The following CUX1 variants were observed in gnomAD, a reference collection of about 807,000 sequenced individuals.
CUX1 encodes the protein cut like homeobox 1.
Under a neutral mutation model 158.8 loss-of-function variants are expected in CUX1, and 31 were observed. The ratio of observed to expected loss-of-function variants is 0.20; its 90% CI spans 0.15 to 0.26. The LOEUF (loss-of-function observed/expected upper bound fraction) is 0.26. Ranked by LOEUF, CUX1 falls within the 10% of genes least tolerant of loss-of-function variation. The pLI, the probability that CUX1 is intolerant of heterozygous loss-of-function variation, is 1.00. For synonymous variants in CUX1, 879 were observed against 862.1 expected, an observed-to-expected ratio of 1.02 and a Z score of -0.34; for missense variants, 1,589 against 2,014.6, an observed-to-expected ratio of 0.79 and a Z score of 4.04.
At chr7:101,912,364 C>T (rs1409700813) in intron 1 of CUX1, among the ~76,000 whole-genome samples, 1 of 152,076 alleles carries the variant, frequency 6.6e-6, no homozygotes, top group Non-Finnish European at 1.5e-5. Context: ...TCACCAGACC[C>T]ACGAGGCTCT....
intron 9 of CUX1, among the ~76,000 whole-genome samples, chr7:102,167,230 T>TG (rs376813963): frequency 3.1e-4 from 46 of 149,348 alleles, no homozygotes; most frequent in African/African-American, 1.1e-3. Flanking sequence ...ATCATACCGC[T>TG]GCACTCCAGC....
chr7:102,065,485 C>T lies in CUX1; in HGVS notation c.190-4854C>T, dbSNP rs112669390. 7.0e-3 allele frequency among the ~76,000 whole-genome samples: 1,070 copies of T among 152,334 alleles called. 7 individuals carry two copies. The highest frequency in any genetic ancestry group is 0.024 in the African/African-American group (989 of 41,568). On this transcript the variant is annotated intron_variant, in intron 3 of 23. Transcript: ENST00000292535. ...TTGGGATTACAGGCCTGAGCCACTG[C>T]GCCCAGCCTTGAGGCCCATTCTTGT...
chr7:101,842,649 G>A (rs1795288882), intron 1 of CUX1, among the ~76,000 whole-genome samples: 1 of 152,028 alleles, frequency 6.6e-6, no homozygotes, highest in South Asian at 2.1e-4. Flanking sequence ...GCCTCCCAAA[G>A]TGTTGGGATT....
At chr7:102,226,335 C>G (rs1245769917) in intron 20 of CUX1, among the ~76,000 whole-genome samples, 2 of 152,204 alleles carry the variant, frequency 1.3e-5, no homozygotes, top group Non-Finnish European at 2.9e-5. Flanking sequence ...AGGTAGAACT[C>G]TAAAATGGAA....
rs367577378 is a variant in CUX1, at chr7:102,195,575, G to T, written c.1194G>T (p.Ala398=). ...KNRSLQSENA[A]LRISNSDLSG... The stretch of plus-strand genomic sequence containing the variant: ...GCTCGCTGCAGTCCGAGAACGCCGC[G>T]CTGCGCATCTCCAACAGCGACCTGA... The change falls in exon 14 of 24, where the codon GCG becomes GCT. Residue 398 remains alanine (A), a synonymous_variant. Coordinates refer to ENST00000292535, the MANE Select transcript of CUX1 (RefSeq NM_181552.4). The T allele has an allele frequency of 2.5e-6, 4 of 1,611,796 alleles. No homozygotes were observed. The highest frequency in any genetic ancestry group is 2.2e-5 in the South Asian group (2 of 90,498).
At chr7:102,055,248 C>T (rs184925618) in intron 3 of CUX1, among the ~76,000 whole-genome samples, 1 of 151,470 alleles carries the variant, frequency 6.6e-6, no homozygotes, top group African/African-American at 2.4e-5. Context: ...TCATTTATTG[C>T]AAACATGTAG....
intron 1 of CUX1, among the ~76,000 whole-genome samples, chr7:101,909,378 G>A (rs564485573): frequency 6.6e-6 from 1 of 152,350 alleles, no homozygotes; most frequent in East Asian, 1.9e-4. Flanking sequence ...GAAGCGTCTT[G>A]GGATGTTTTC....
intron 6 of CUX1, among the ~76,000 whole-genome samples, chr7:102,105,940 T>C (rs1234418214): frequency 2.0e-5 from 3 of 152,120 alleles, no homozygotes; most frequent in Non-Finnish European, 2.9e-5. Context: ...TATGAAGAAA[T>C]GTATGTATCC....
chr7:102,255,793 T>C lies in CUX1; in HGVS notation c.*6751T>C. ...GTGGCACGGAGCTGCTTTTGTTTTATAATTCTTTTTTCCCCCCTTTTCCTT... is the reference window on the plus strand; with the variant it reads ...GTGGCACGGAGCTGCTTTTGTTTTACAATTCTTTTTTCCCCCCTTTTCCTT... On this transcript the variant is annotated 3_prime_UTR_variant, in exon 24 of 24. Transcript: ENST00000292535. 1 of 985,406 alleles carries C rather than the reference T, an allele frequency of 1.0e-6. No individual in the cohort carries two copies. The highest frequency in any genetic ancestry group is 1.2e-6 in the Non-Finnish European group (1 of 829,882). 61.0% of individuals were successfully genotyped at this position (985,406 alleles called of 1,614,324 possible). A position where few individuals can be genotyped will look rare whatever the true frequency, so the allele number is the denominator to read the frequency against.
intron 4 of CUX1, among the ~76,000 whole-genome samples, chr7:102,088,523 A>C (rs1218371834): frequency 6.6e-6 from 1 of 151,878 alleles, no homozygotes; most frequent in Non-Finnish European, 1.5e-5. Context: ...AATCCCAGCT[A>C]CTCGGGAGGC....
At chr7:102,268,730 G>C (rs1790988161) in intron 14 of CUX1, among the ~76,000 whole-genome samples, 2 of 152,114 alleles carry the variant, frequency 1.3e-5, no homozygotes, top group Admixed American at 6.6e-5. Context: ...GGAGGCGTTG[G>C]AGGCTTTACT....
rs1554520732 is a variant in CUX1, at chr7:102,205,098, C to T, written c.3074-16C>T. On this transcript the variant is annotated splice_polypyrimidine_tract_variant and intron_variant, in intron 19 of 23. Coordinates refer to ENST00000292535, the MANE Select transcript of CUX1 (RefSeq NM_181552.4). ...GCCGCGTTCCTTCCTTTAATTATAA[C>T]CTTTTTCTACTTTAGTCCTCCACTC... 1.3e-6 allele frequency: 2 copies of T among 1,590,342 alleles called. No individual in the cohort carries two copies. Among genetic ancestry groups the T allele is most frequent in the Admixed American group, 1.7e-5 (1 of 59,982 alleles).
At chr7:101,989,021 A>T (rs1256444521) in intron 2 of CUX1, among the ~76,000 whole-genome samples, 3 of 151,056 alleles carry the variant, frequency 2.0e-5, no homozygotes, top group Non-Finnish European at 3.0e-5. Context: ...AATAATAATA[A>T]TATTTGTAGG....
chr7:101,841,548 TTTTA>T (rs528663893), intron 1 of CUX1, among the ~76,000 whole-genome samples: 8 of 151,480 alleles, frequency 5.3e-5, no homozygotes, highest in East Asian at 1.9e-4. Context: ...TTTTATTTCA[TTTTA>T]TTTATTTATT....
chr7:101,917,498 TG>T (rs1234735292), intron 2 of CUX1, among the ~76,000 whole-genome samples: 2 of 152,006 alleles, frequency 1.3e-5, no homozygotes, highest in African/African-American at 4.8e-5. Context: ...AAAATGCAGG[TG>T]GGAGTCACTG....
chr7:102,078,144 C>G (rs1391924250), intron 4 of CUX1, among the ~76,000 whole-genome samples: 1 of 151,992 alleles, frequency 6.6e-6, no homozygotes, highest in Non-Finnish European at 1.5e-5. Context: ...GCACTGGTAC[C>G]ATCATAGCTC....
At chr7:101,915,994 T>C (rs548111916) in intron 1 of CUX1, 121 bp from the exon 2 acceptor site, 5 of 696,918 alleles carry the variant, frequency 7.2e-6, no homozygotes, top group African/African-American at 5.3e-5. Context: ...TGCCAATGAG[T>C]TGATGTTCCT....
At chr7:102,123,400 G>A (rs1296863859) in intron 8 of CUX1, among the ~76,000 whole-genome samples, 4 of 151,834 alleles carry the variant, frequency 2.6e-5, no homozygotes, top group African/African-American at 9.7e-5. Flanking sequence ...ATGAGGTCAG[G>A]AGATTGAGAC....
intron 2 of CUX1, among the ~76,000 whole-genome samples, chr7:101,985,825 T>C (rs978531641): frequency 6.6e-6 from 1 of 152,224 alleles, no homozygotes; most frequent in Non-Finnish European, 1.5e-5. Flanking sequence ...TGTGGTGTGA[T>C]TCTTGACGTT....
Sources: gnomAD v4.1 joint callset for allele counts (sites outside exome capture counted in the v4.1 genomes callset) on GRCh38, gnomAD v4.1.1 for gene constraint, MANE v1.5 for transcripts, NCBI Gene and HGNC (gene_info 2026-07-23, HGNC 2026-07-21) for gene names.